The following ORC1 variants were observed in gnomAD, a reference collection of about 807,000 sequenced individuals.
ORC1 encodes the protein origin recognition complex, subunit 1 homolog.
A neutral mutation model predicts 98.9 loss-of-function variants in ORC1; 61 were observed. That is an observed-to-expected ratio of 0.62 (90% CI 0.50 to 0.76). The LOEUF (loss-of-function observed/expected upper bound fraction) is 0.76. ORC1 is among the 30% of genes least tolerant of loss of function. ORC1 has a pLI of 0.00. For missense variants in ORC1, 979 were observed against 1,072.2 expected, an observed-to-expected ratio of 0.91 and a Z score of 1.21; for synonymous variants, 385 against 406.9, an observed-to-expected ratio of 0.95 and a Z score of 0.65.
intron 14 of ORC1, among the ~76,000 whole-genome samples, chr1:52,377,841 A>G (rs1647014443): frequency 6.6e-6 from 1 of 152,192 alleles, no homozygotes; most frequent in Non-Finnish European, 1.5e-5. Flanking sequence ...AAAAATAAGA[A>G]AACCAAGCCA....
At position 52,388,467 on chromosome 1, in the gene ORC1, G is replaced by T; in HGVS notation, c.1358C>A (p.Thr453Asn). Reference sequence around the variant, plus strand: ...ACTCTTCTTTGGCACCTTCGTGAGGGTATGTAAGGATGACTTCAAGGAAGA... The same window carrying T: ...ACTCTTCTTTGGCACCTTCGTGAGGTTATGTAAGGATGACTTCAAGGAAGA... ...LRSSLKSSLHTLTKVPKKSLK... is the reference protein window; with the variant it reads ...LRSSLKSSLHNLTKVPKKSLK... Residue 453 changes from threonine (T) to asparagine (N), a missense_variant, in exon 8 of 17, where the codon ACC (threonine) becomes AAC (asparagine). Thr to Asn is a moderately conservative substitution (Grantham distance 65). Transcript: ENST00000371568. 1.2e-6 allele frequency: 2 copies of T among 1,614,044 alleles called. No homozygotes were observed. Among genetic ancestry groups the T allele is most frequent in the Admixed American group, 1.7e-5 (1 of 60,020 alleles).
Position 52,389,255 on chromosome 1 carries a change from ACT to A in ORC1, c.1147_1148del (p.Ser383PhefsTer9). The A allele has an allele frequency of 6.2e-7, 1 of 1,614,024 alleles. No homozygotes were observed. Among genetic ancestry groups the A allele is most frequent in the Non-Finnish European group, 8.5e-7 (1 of 1,180,000 alleles). On this transcript the variant is annotated frameshift_variant, in exon 7 of 17. Transcript: ENST00000371568. LOFTEE classifies it high-confidence loss of function. ...TAATCCGATTCATAGTCAAGACAGA[ACT>A]CTTTCTGCGGATACGATGGGGAGTA... is the stretch of plus-strand genomic sequence containing the variant. ...TSTPHRIRRK[S>X]SVLTMNRIRQ...
intron 4 of ORC1, 103 bp downstream of exon 4, chr1:52,397,582 C>A: frequency 9.7e-7 from 1 of 1,029,898 alleles, no homozygotes. Flanking sequence ...ATAATGCATT[C>A]CCTATGGGGT....
At chr1:52,405,492 CAGG>C (rs1444849547), upstream of ORC1, among the ~76,000 whole-genome samples, 1 of 152,216 alleles carries the variant, frequency 6.6e-6, no homozygotes, top group African/African-American at 2.4e-5. Context: ...AAAAGCTTAG[CAGG>C]GTACCTATTT....
At chr1:52,387,991 T>C (rs1467170724) in intron 8 of ORC1, among the ~76,000 whole-genome samples, 1 of 152,214 alleles carries the variant, frequency 6.6e-6, no homozygotes, top group East Asian at 1.9e-4. Context: ...AGAAAAGATG[T>C]TCATTGATCT....
At chr1:52,400,470 A>C (rs778451136) in intron 3 of ORC1, among the ~76,000 whole-genome samples, 1 of 152,238 alleles carries the variant, frequency 6.6e-6, no homozygotes, top group Non-Finnish European at 1.5e-5. Flanking sequence ...AAATCGCAGA[A>C]GGTGAAACCA....
chr1:52,387,594 A>C (rs1319672492), intron 8 of ORC1, among the ~76,000 whole-genome samples: 1 of 152,116 alleles, frequency 6.6e-6, no homozygotes, highest in Non-Finnish European at 1.5e-5. Flanking sequence ...AGTAGCTGGG[A>C]TTACAGGCAC....
chr1:52,381,511 G>C, intron 14 of ORC1, 131 bp downstream of exon 14: 2 of 957,068 alleles, frequency 2.1e-6, no homozygotes, highest in East Asian at 2.9e-5. Flanking sequence ...TCATAATCTT[G>C]TCTTTTTTGA....
intron 3 of ORC1, among the ~76,000 whole-genome samples, chr1:52,400,297 C>T (rs1318231322): frequency 6.6e-6 from 1 of 152,196 alleles, no homozygotes; most frequent in Non-Finnish European, 1.5e-5. Context: ...ACATACTGTA[C>T]AGCACGGATA....
chr1:52,408,424 C>T (rs559363487), upstream of ORC1: 5 of 1,061,874 alleles, frequency 4.7e-6, no homozygotes, highest in Non-Finnish European at 7.2e-6. Flanking sequence ...TGTCTTTCTT[C>T]TGCTGCATTC....
intron 5 of ORC1, 112 bp from the exon 6 acceptor site, chr1:52,393,915 T>C (rs1429404996): frequency 9.3e-6 from 11 of 1,186,444 alleles, no homozygotes; most frequent in African/African-American, 3.0e-5. Context: ...GAATTATCTA[T>C]ATTTTTAATC....
Position 52,395,573 on chromosome 1 carries a change from G to T in ORC1, c.721+473C>A, listed in dbSNP as rs191604182. Among the ~76,000 whole-genome samples, 106 of 152,334 alleles carry T rather than the reference G, an allele frequency of 7.0e-4. 1 individual carries two copies. The highest frequency in any genetic ancestry group is 2.6e-3 in the African/African-American group (106 of 41,564). On this transcript the variant is annotated intron_variant, in intron 5 of 16. Transcript: ENST00000371568. ...CATGCCTGTAATCCCAGCACTTTGG[G>T]AGGCCAAGGCGGGTGGATCACTTGA...
chr1:52,376,529 C>T (rs766915291), intron 14 of ORC1, among the ~76,000 whole-genome samples: 2 of 151,974 alleles, frequency 1.3e-5, no homozygotes, highest in Non-Finnish European at 2.9e-5. Context: ...CCAAGTAACC[C>T]AGGACACAAA....
chr1:52,388,698 A>G (rs1647175748), intron 7 of ORC1, 61 bp from the exon 8 acceptor site: 27 of 1,433,582 alleles, frequency 1.9e-5, no homozygotes, highest in South Asian at 6.9e-5. Context: ...GAAGAACTCT[A>G]TAACATTAGT....
At chr1:52,398,267 A>T (rs1398358844) in intron 3 of ORC1, among the ~76,000 whole-genome samples, 9 of 89,774 alleles carry the variant, frequency 1.0e-4, no homozygotes, top group South Asian at 3.3e-4. Context: ...TCCCGCCAAA[A>T]TTTTTTTTTT....
At chr1:52,378,744 C>T (rs1489068507) in intron 14 of ORC1, among the ~76,000 whole-genome samples, 1 of 151,762 alleles carries the variant, frequency 6.6e-6, no homozygotes, top group African/African-American at 2.4e-5. Context: ...TATAATTTTG[C>T]AAGTTAGTGC....
At chr1:52,398,599 T>G (rs1647540297) in intron 3 of ORC1, among the ~76,000 whole-genome samples, 1 of 151,360 alleles carries the variant, frequency 6.6e-6, no homozygotes, top group South Asian at 2.1e-4. Context: ...TTTATTTTTT[T>G]GAGACGGAGT....
At chr1:52,394,261 A>G (rs184924522) in intron 5 of ORC1, among the ~76,000 whole-genome samples, 74 of 152,342 alleles carry the variant, frequency 4.9e-4, no homozygotes, top group African/African-American at 1.5e-3. Context: ...CCTGGGGACA[A>G]TCCACTGGTT....
intron 8 of ORC1, among the ~76,000 whole-genome samples, chr1:52,386,716 C>T (rs944600517): frequency 6.6e-6 from 1 of 152,174 alleles, no homozygotes; most frequent in African/African-American, 2.4e-5. Flanking sequence ...AATCCCAAAA[C>T]TTAGAAAGGC....
Sources: allele counts gnomAD v4.1 joint callset (sites outside exome capture counted in the v4.1 genomes callset), GRCh38; gene constraint gnomAD v4.1.1; transcripts MANE v1.5; gene names NCBI Gene and HGNC (gene_info 2026-07-23, HGNC 2026-07-21).